Variants in SCHIP1 observed in about 807,000 individuals in gnomAD.
SCHIP1 encodes the protein schwannomin-interacting protein 1.
A neutral mutation model predicts 29.7 loss-of-function variants in SCHIP1; 8 were observed. That is an observed-to-expected ratio of 0.27 (90% confidence interval 0.16 to 0.49). The LOEUF (loss-of-function observed/expected upper bound fraction) is 0.49. SCHIP1 is among the 20% of genes least tolerant of loss of function. SCHIP1 has a pLI of 0.99. For synonymous variants in SCHIP1, 76 were observed against 94.9 expected (o/e 0.80, Z 1.16); for missense variants, 193 against 294.6 (o/e 0.66, Z 2.52).
chr3:159,610,146 G>A, the SCHIP1 span, among the ~76,000 whole-genome samples: 1 of 152,142 alleles, frequency 6.6e-6, no homozygotes, highest in Admixed American at 6.5e-5. Flanking sequence ...TGGTTGAGTG[G>A]CAAAGTTGGA....
chr3:159,339,608 T>A, the SCHIP1 span, among the ~76,000 whole-genome samples: 1 of 152,168 alleles, frequency 6.6e-6, no homozygotes, highest in Non-Finnish European at 1.5e-5. Flanking sequence ...TGGGTAATAG[T>A]TTGATAGATG....
At chr3:159,516,661 T>C in the SCHIP1 span, among the ~76,000 whole-genome samples, 1 of 152,166 alleles carries the variant, frequency 6.6e-6, no homozygotes, top group Non-Finnish European at 1.5e-5. Flanking sequence ...CTTAACATAA[T>C]TCCTAATCCT....
the SCHIP1 span, among the ~76,000 whole-genome samples, chr3:159,793,137 T>C: frequency 6.6e-6 from 1 of 152,312 alleles, no homozygotes; most frequent in Admixed American, 6.5e-5. Context: ...TCATAATCCT[T>C]GAGTGCGTTT....
In SCHIP1 at chr3:159,842,997, C is replaced by CTTTTT. The variant is rs1440922016; in HGVS notation, c.30+2786_30+2787insTTTTT. On this transcript the variant is annotated intron_variant, in intron 1 of 6. Transcript: ENST00000445224. Reference sequence around the variant, plus strand: ...GCTCTCCAGTTCTATCCCAATATTTCTTTCTTTTTTTTTTTTTTTTTTTTT... The same window carrying CTTTTT: ...GCTCTCCAGTTCTATCCCAATATTTCTTTTTTTTCTTTTTTTTTTTTTTTTTTTTT... Among the ~76,000 whole-genome samples the CTTTTT allele has an allele frequency of 4.8e-3, 293 of 61,658 alleles. 45 individuals carry two copies. Among genetic ancestry groups the CTTTTT allele is most frequent in the South Asian group, 0.017 (22 of 1,290 alleles). 40.5% of individuals were successfully genotyped at this position (61,658 alleles called of 152,430 possible).
At chr3:159,850,756 C>A (rs1054323105) in intron 1 of SCHIP1, among the ~76,000 whole-genome samples, 2 of 151,320 alleles carry the variant, frequency 1.3e-5, no homozygotes, top group Non-Finnish European at 3.0e-5. Context: ...AGGTGCTACA[C>A]GCTTTTAAAC....
the SCHIP1 span, among the ~76,000 whole-genome samples, chr3:159,531,560 C>T: frequency 6.6e-6 from 1 of 152,172 alleles, no homozygotes; most frequent in Non-Finnish European, 1.5e-5. Context: ...ACCGTACCTA[C>T]AAAAACTGAT....
intron 5 of SCHIP1, among the ~76,000 whole-genome samples, chr3:159,889,289 T>C (rs946309161): frequency 1.1e-4 from 16 of 152,374 alleles, no homozygotes; most frequent in Non-Finnish European, 1.8e-4. Flanking sequence ...TCTACTTTAG[T>C]TGTATACACA....
chr3:159,435,308 T>C, the SCHIP1 span, among the ~76,000 whole-genome samples: 2 of 152,274 alleles, frequency 1.3e-5, no homozygotes, highest in African/African-American at 4.8e-5. Context: ...GAATGTTCTT[T>C]GTAAGTTGTT....
chr3:159,495,814 A>G, the SCHIP1 span, among the ~76,000 whole-genome samples: 1 of 152,180 alleles, frequency 6.6e-6, no homozygotes, highest in Admixed American at 6.5e-5. Flanking sequence ...ATCCTAAGCC[A>G]AAAGAACCTG....
chr3:159,556,552 A>T, the SCHIP1 span, among the ~76,000 whole-genome samples: 2 of 152,234 alleles, frequency 1.3e-5, no homozygotes, highest in South Asian at 4.1e-4. Context: ...GATTAAGAAA[A>T]TGTGGCACAT....
the SCHIP1 span, among the ~76,000 whole-genome samples, chr3:159,339,255 T>TAAAAA: frequency 7.2e-6 from 1 of 138,624 alleles, no homozygotes. Flanking sequence ...TCATTAGAAT[T>TAAAAA]AAAAAAAAAA....
the SCHIP1 span, among the ~76,000 whole-genome samples, chr3:159,328,326 A>G: frequency 1.3e-5 from 2 of 152,036 alleles, no homozygotes; most frequent in Non-Finnish European, 2.9e-5. Flanking sequence ...GCCCTTGAGG[A>G]ATTTATGGTC....
chr3:159,665,827 A>G, the SCHIP1 span, among the ~76,000 whole-genome samples: 1 of 152,178 alleles, frequency 6.6e-6, no homozygotes, highest in Admixed American at 6.5e-5. Context: ...ACAGACTCTG[A>G]AGGGGCAGGC....
the SCHIP1 span, among the ~76,000 whole-genome samples, chr3:159,713,138 A>G: frequency 1.3e-5 from 2 of 150,192 alleles, no homozygotes; most frequent in African/African-American, 4.9e-5. Context: ...CTGGGCAACA[A>G]GAGTGAAACT....
At chr3:159,550,057 T>TA in the SCHIP1 span, among the ~76,000 whole-genome samples, 175 of 62,756 alleles carry the variant, frequency 2.8e-3, no homozygotes, top group Admixed American at 6.9e-3. Context: ...TCTGTTTTTC[T>TA]CTTATCTTAA....
chr3:159,387,709 T>C, the SCHIP1 span, among the ~76,000 whole-genome samples: 1 of 152,186 alleles, frequency 6.6e-6, no homozygotes, highest in African/African-American at 2.4e-5. Context: ...TCAAACACCA[T>C]ACATAAATAA....
chr3:159,623,489 G>A, the SCHIP1 span, among the ~76,000 whole-genome samples: 1 of 152,144 alleles, frequency 6.6e-6, no homozygotes, highest in Non-Finnish European at 1.5e-5. Flanking sequence ...AGCCGGGCAT[G>A]GTGGCGCATG....
At chr3:159,783,831 G>T in the SCHIP1 span, among the ~76,000 whole-genome samples, 1 of 152,162 alleles carries the variant, frequency 6.6e-6, no homozygotes, top group African/African-American at 2.4e-5. Context: ...GTAAAACAGA[G>T]GTCCCAGCCT....
chr3:159,586,973 A>ATAC, the SCHIP1 span, among the ~76,000 whole-genome samples: 1 of 152,198 alleles, frequency 6.6e-6, no homozygotes, highest in Non-Finnish European at 1.5e-5. Context: ...GTCAGCAGAG[A>ATAC]GAGGAAGCTT....
Sources: allele counts gnomAD v4.1 joint callset (sites outside exome capture counted in the v4.1 genomes callset), GRCh38; gene constraint gnomAD v4.1.1; transcripts MANE v1.5; gene names NCBI Gene and HGNC (gene_info 2026-07-23, HGNC 2026-07-21).